The following ACTR3C variants were observed in gnomAD, a reference collection of about 807,000 sequenced individuals.
ACTR3C encodes the protein actin-related protein 3C.
ACTR3C carries 18 observed loss-of-function variants against 26.3 expected under a neutral mutation model. The ratio of observed to expected loss-of-function variants is 0.68; its 90% CI spans 0.47 to 1.01. The LOEUF is 1.01. Among genes scored for constraint, ACTR3C ranks in the 50% least tolerant of loss-of-function variants. The pLI is 0.00. For synonymous variants in ACTR3C, 55 were observed against 94.5 expected (o/e 0.58, Z 2.42); for missense variants, 184 against 250.7 (o/e 0.73, Z 1.80).
the ACTR3C span, among the ~76,000 whole-genome samples, chr7:149,972,861 C>T: frequency 1.3e-5 from 2 of 151,570 alleles, no homozygotes; most frequent in Non-Finnish European, 2.9e-5. Flanking sequence ...GAGTGGGTGG[C>T]ACATCTATCC....
chr7:150,213,497 G>A, the ACTR3C span, among the ~76,000 whole-genome samples: 21 of 151,368 alleles, frequency 1.4e-4, no homozygotes, highest in East Asian at 4.1e-3. Flanking sequence ...TTGGAAAGTG[G>A]AAAGCACAGA....
At chr7:150,082,623 C>T in the ACTR3C span, among the ~76,000 whole-genome samples, 1 of 152,140 alleles carries the variant, frequency 6.6e-6, no homozygotes, top group Admixed American at 6.5e-5. Context: ...CATGGATATG[C>T]ATAATAATGA....
chr7:150,222,664 G>A, the ACTR3C span, among the ~76,000 whole-genome samples: 2 of 152,224 alleles, frequency 1.3e-5, no homozygotes. Context: ...GTGGCCCTGA[G>A]AGGAGCTCAT....
the ACTR3C span, among the ~76,000 whole-genome samples, chr7:150,106,320 C>G: frequency 1.3e-5 from 2 of 150,466 alleles, no homozygotes; most frequent in African/African-American, 4.9e-5. Context: ...TTATCACGTA[C>G]TCCACTACTC....
At chr7:150,195,455 G>GGTCT in the ACTR3C span, among the ~76,000 whole-genome samples, 1 of 151,920 alleles carries the variant, frequency 6.6e-6, no homozygotes, top group Non-Finnish European at 1.5e-5. Flanking sequence ...TTGCTATGTA[G>GGTCT]GTCTATTGGC....
At chr7:150,020,154 C>A in the ACTR3C span, among the ~76,000 whole-genome samples, 1 of 152,070 alleles carries the variant, frequency 6.6e-6, no homozygotes, top group Non-Finnish European at 1.5e-5. Flanking sequence ...TAGGAACATT[C>A]TTAGAAGCAA....
chr7:150,038,753 C>A, the ACTR3C span, among the ~76,000 whole-genome samples: 13 of 122,214 alleles, frequency 1.1e-4, 3 homozygotes, highest in Non-Finnish European at 2.3e-4. Context: ...TGGGGGGGTC[C>A]TAAGCCAGGA....
chr7:150,275,898 T>A (rs1262007511), intron 6 of ACTR3C, among the ~76,000 whole-genome samples: 2 of 152,144 alleles, frequency 1.3e-5, no homozygotes, highest in Non-Finnish European at 2.9e-5. Flanking sequence ...TTCAACCCCG[T>A]CTCACGGCAC....
chr7:149,897,016 G>A, the ACTR3C span, among the ~76,000 whole-genome samples: 37 of 146,602 alleles, frequency 2.5e-4, no homozygotes, highest in Middle Eastern at 3.5e-3. Context: ...AGCTGAGATC[G>A]CGCCACTGCA....
At chr7:150,003,692 TTGTG>T in the ACTR3C span, among the ~76,000 whole-genome samples, 4 of 151,646 alleles carry the variant, frequency 2.6e-5, no homozygotes, top group East Asian at 2.0e-4. Flanking sequence ...TGTGGTGTGT[TTGTG>T]TGTGTGCTGT....
At chr7:150,172,916 G>A in the ACTR3C span, among the ~76,000 whole-genome samples, 1 of 150,224 alleles carries the variant, frequency 6.7e-6, no homozygotes, top group African/African-American at 2.5e-5. Context: ...TCACATCCAG[G>A]TCACGCTGAT....
At chr7:150,215,088 G>T in the ACTR3C span, among the ~76,000 whole-genome samples, 2 of 150,044 alleles carry the variant, frequency 1.3e-5, no homozygotes, top group African/African-American at 5.0e-5. Flanking sequence ...GTCCTAAAAG[G>T]AAAATGACAG....
chr7:150,183,829 G>A, the ACTR3C span, among the ~76,000 whole-genome samples: 1 of 150,180 alleles, frequency 6.7e-6, no homozygotes, highest in Non-Finnish European at 1.5e-5. Context: ...TGTGTCAAGG[G>A]TGAGACCAGG....
the ACTR3C span, among the ~76,000 whole-genome samples, chr7:150,210,214 T>C: frequency 4.0e-5 from 6 of 150,270 alleles, no homozygotes; most frequent in African/African-American, 7.4e-5. Context: ...TGAAGACTGA[T>C]TATCTTGAGT....
At chr7:150,045,975 T>C in the ACTR3C span, among the ~76,000 whole-genome samples, 40 of 152,132 alleles carry the variant, frequency 2.6e-4, no homozygotes, top group Non-Finnish European at 4.4e-4. Context: ...CCTCCAGAAC[T>C]CTTCACCCTC....
chr7:149,995,502 G>T, the ACTR3C span, among the ~76,000 whole-genome samples: 1 of 152,260 alleles, frequency 6.6e-6, no homozygotes, highest in Non-Finnish European at 1.5e-5. Flanking sequence ...AGTAAATAAG[G>T]CAGGTCTGTT....
the ACTR3C span, among the ~76,000 whole-genome samples, chr7:150,148,116 A>G: frequency 3.4e-5 from 5 of 147,816 alleles, no homozygotes; most frequent in Non-Finnish European, 6.0e-5. Context: ...CTTTACCTAT[A>G]TAACAAACCT....
the ACTR3C span, among the ~76,000 whole-genome samples, chr7:150,131,657 T>C: frequency 2.0e-5 from 3 of 152,182 alleles, no homozygotes; most frequent in African/African-American, 4.8e-5. Context: ...CTCCCTCTAG[T>C]TCATCAGGTT....
At chr7:149,925,837 G>A in the ACTR3C span, among the ~76,000 whole-genome samples, 1 of 152,094 alleles carries the variant, frequency 6.6e-6, no homozygotes, top group Non-Finnish European at 1.5e-5. Flanking sequence ...CGAGGCAGGT[G>A]GATCACCTGA....
Sources: gnomAD v4.1 joint callset for allele counts (sites outside exome capture counted in the v4.1 genomes callset) on GRCh38, gnomAD v4.1.1 for gene constraint, MANE v1.5 for transcripts, NCBI Gene and HGNC (gene_info 2026-07-23, HGNC 2026-07-21) for gene names.